MTHFD1L: variants seen among roughly 807,000 people sequenced by gnomAD.
MTHFD1L encodes the protein methylenetetrahydrofolate dehydrogenase (NADP+ dependent) 1 like.
MTHFD1L carries 81 observed loss-of-function variants against 119.5 expected under a neutral mutation model. The observed-to-expected ratio is 0.68, with a 90% confidence interval of 0.57 to 0.82. MTHFD1L has a LOEUF of 0.82. MTHFD1L is among the 40% of genes least tolerant of loss of function. The pLI is 0.00. For synonymous variants in MTHFD1L, 430 were observed against 475.2 expected (o/e 0.90, Z 1.24); for missense variants, 1,125 against 1,253.4 (o/e 0.90, Z 1.55).
chr6:150,956,297 A>G (rs1035816404), intron 17 of MTHFD1L, among the ~76,000 whole-genome samples: 5 of 151,896 alleles, frequency 3.3e-5, no homozygotes, highest in South Asian at 2.1e-4. Flanking sequence ...TCTTTTTTTC[A>G]TGTATGTTTC....
chr6:151,085,496 C>T (rs1252632546), intron 26 of MTHFD1L, among the ~76,000 whole-genome samples: 2 of 152,076 alleles, frequency 1.3e-5, no homozygotes, highest in African/African-American at 4.8e-5. Context: ...TTTGGCCGGG[C>T]GCGTTGTCTC....
chr6:150,911,108 A>G (rs915816831), intron 8 of MTHFD1L, among the ~76,000 whole-genome samples: 1 of 152,008 alleles, frequency 6.6e-6, no homozygotes, highest in Non-Finnish European at 1.5e-5. Flanking sequence ...CCAGTTTTCC[A>G]TTTCAAATTT....
intron 20 of MTHFD1L, among the ~76,000 whole-genome samples, chr6:150,996,491 G>A (rs1428144745): frequency 6.6e-6 from 1 of 152,068 alleles, no homozygotes; most frequent in South Asian, 2.1e-4. Flanking sequence ...CTTAACATCA[G>A]CAGCAGCAGA....
At chr6:151,099,065 A>G (rs1003559444) in intron 27 of MTHFD1L, among the ~76,000 whole-genome samples, 6 of 151,890 alleles carry the variant, frequency 4.0e-5, no homozygotes, top group Admixed American at 2.6e-4. Context: ...AATCCCAGCT[A>G]CTTGGGAAGC....
chr6:151,085,701 G>A (rs1793727581), intron 26 of MTHFD1L, among the ~76,000 whole-genome samples: 1 of 152,176 alleles, frequency 6.6e-6, no homozygotes, highest in Admixed American at 6.5e-5. Context: ...AGGCCAGGAG[G>A]CAGAGGTTGC....
At chr6:151,095,139 A>G (rs1264927390) in intron 27 of MTHFD1L, among the ~76,000 whole-genome samples, 2 of 152,182 alleles carry the variant, frequency 1.3e-5, no homozygotes, top group African/African-American at 2.4e-5. Context: ...TGCATCTTTG[A>G]TCTTTGTTAT....
intron 26 of MTHFD1L, among the ~76,000 whole-genome samples, chr6:151,049,511 A>G: frequency 6.9e-6 from 1 of 144,474 alleles, no homozygotes; most frequent in East Asian, 2.1e-4. Flanking sequence ...AAAAAAAAAA[A>G]ATTAGCTGGG....
chr6:150,868,155 G>A (rs1025316764), intron 1 of MTHFD1L, among the ~76,000 whole-genome samples: 7 of 152,000 alleles, frequency 4.6e-5, no homozygotes, highest in African/African-American at 1.7e-4. Context: ...TGAGTAAAGA[G>A]GTTAGTAGGG....
chr6:150,892,348 C>G (rs1307670550), intron 7 of MTHFD1L, among the ~76,000 whole-genome samples: 1 of 152,180 alleles, frequency 6.6e-6, no homozygotes, highest in Non-Finnish European at 1.5e-5. Flanking sequence ...ATCACCTTGT[C>G]TCTGTACTTT....
chr6:150,961,255 A>G (rs1275355712), intron 18 of MTHFD1L, among the ~76,000 whole-genome samples: 4 of 152,052 alleles, frequency 2.6e-5, no homozygotes, highest in African/African-American at 7.2e-5. Context: ...CACCACGCCC[A>G]GTTAATTTTT....
In MTHFD1L at chr6:150,877,779, C is replaced by T. The variant is rs1433808256; in HGVS notation, c.370C>T (p.Leu124=). 1 of 1,614,222 alleles carries T rather than the reference C, an allele frequency of 6.2e-7. No individual in the cohort carries two copies. The highest frequency in any genetic ancestry group is 1.1e-5 in the South Asian group (1 of 91,088). ...INQNLAEEAG[L]NITHICLPPD... The stretch of plus-strand genomic sequence containing the variant: ...CCTTGTGTTCCTTTTTCAGGCTGGT[C>T]TGAACATCACTCACATTTGCCTCCC... The change falls in exon 4 of 28, where the codon CTG becomes TTG. Residue 124 remains leucine (L), a synonymous_variant. Transcript: ENST00000367321.
intron 4 of MTHFD1L, among the ~76,000 whole-genome samples, chr6:150,880,074 C>T (rs1166469980): frequency 1.3e-5 from 2 of 152,188 alleles, no homozygotes; most frequent in African/African-American, 2.4e-5. Context: ...TTACATTCAT[C>T]ACCTAGAACG....
rs753786210 is a variant in MTHFD1L, at chr6:151,034,560, C to T, written c.2654C>T (p.Ser885Phe). ...AVYGAKDIEL[S>F]PEAQAKIDRY... ...TATGGAGCCAAAGATATTGAACTCT[C>T]TCCTGAGGCACAAGCCAAAATAGAT... The change falls in exon 25 of 28, where the codon TCT becomes TTT. Residue 885 changes from serine to phenylalanine, a missense_variant. Ser to Phe is a radical substitution (Grantham distance 155). This residue lies in a region of MTHFD1L where 1,058 missense variants were observed against 1,151.2 expected (regional missense o/e 0.92). Coordinates refer to ENST00000367321, the MANE Select transcript of MTHFD1L (RefSeq NM_015440.5). 9 of 1,611,706 alleles carry T rather than the reference C, an allele frequency of 5.6e-6. No homozygotes were observed. Among genetic ancestry groups the T allele is most frequent in the Admixed American group, 3.3e-5 (2 of 59,982 alleles).
At chr6:150,963,536 T>C (rs911235028) in intron 18 of MTHFD1L, among the ~76,000 whole-genome samples, 4 of 152,202 alleles carry the variant, frequency 2.6e-5, no homozygotes, top group Non-Finnish European at 5.9e-5. Context: ...TGGATTTTCT[T>C]ACACCTTTTA....
chr6:151,015,648 G>C lies in MTHFD1L; in HGVS notation c.2541G>C (p.Glu847Asp). The change falls in exon 24 of 28, where the codon GAG becomes GAC. Residue 847 changes from glutamate to aspartate, a missense_variant. By Grantham distance (45) the Glu-to-Asp change is conservative. Transcript: ENST00000367321. Reference sequence around the variant, plus strand: ...TGGACTTGGCTCGGGCTGTGAGAGAGGCTGCGAGTAAAAGAAGCCGATTCC... The same window carrying C: ...TGGACTTGGCTCGGGCTGTGAGAGACGCTGCGAGTAAAAGAAGCCGATTCC... The part of the protein sequence containing the change: ...GSVDLARAVR[E>D]AASKRSRFQF... 6.2e-7 allele frequency: 1 copy of C among 1,614,142 alleles called. No individual in the cohort carries two copies. The highest frequency in any genetic ancestry group is 1.1e-5 in the South Asian group (1 of 91,084).
At chr6:150,988,560 C>T (rs1241149157) in intron 20 of MTHFD1L, among the ~76,000 whole-genome samples, 1 of 139,880 alleles carries the variant, frequency 7.1e-6, no homozygotes, top group Non-Finnish European at 1.5e-5. Context: ...CTCTTAACAT[C>T]TTTTGTGGGG....
chr6:151,071,323 T>C (rs1791923895), intron 26 of MTHFD1L, among the ~76,000 whole-genome samples: 1 of 152,226 alleles, frequency 6.6e-6, no homozygotes, highest in Non-Finnish European at 1.5e-5. Flanking sequence ...TTTTCTGTGA[T>C]ACAGTGCATC....
chr6:151,069,695 A>G (rs1791742542), intron 26 of MTHFD1L, among the ~76,000 whole-genome samples: 1 of 152,096 alleles, frequency 6.6e-6, no homozygotes, highest in Admixed American at 6.5e-5. Flanking sequence ...TCCAGGGATC[A>G]CTTCCCTGGT....
chr6:150,975,949 G>T (rs1272705138), intron 20 of MTHFD1L, among the ~76,000 whole-genome samples: 1 of 152,222 alleles, frequency 6.6e-6, no homozygotes, highest in East Asian at 1.9e-4. Context: ...GGCTTAAGGG[G>T]GAAGCGGGGA....
Sources: allele counts gnomAD v4.1 joint callset (sites outside exome capture counted in the v4.1 genomes callset), GRCh38; gene constraint gnomAD v4.1.1; regional missense constraint gnomAD v4.1.1; transcripts MANE v1.5; gene names NCBI Gene and HGNC (gene_info 2026-07-23, HGNC 2026-07-21).